The following ZNF91 variants were observed in gnomAD, a reference collection of about 807,000 sequenced individuals.
ZNF91 encodes zinc finger protein 91 (HPF7, HTF10).
In ZNF91, 7 loss-of-function variants were observed where a neutral mutation model predicts 12.6. The ratio of observed to expected loss-of-function variants is 0.55; its 90% CI spans 0.31 to 1.04. ZNF91 has a LOEUF of 1.04. ZNF91 is among the 50% of genes least tolerant of loss of function. ZNF91 has a pLI of 0.05. For missense variants in ZNF91, 1,217 were observed against 1,385.4 expected (o/e 0.88, Z 1.93); for synonymous variants, 453 against 462.6 (o/e 0.98, Z 0.27).
Position 23,395,341 on chromosome 19 carries a change from G to T in ZNF91, c.14C>A (p.Pro5His), listed in dbSNP as rs1254552468. 2 of 1,613,852 alleles carry T rather than the reference G, an allele frequency of 1.2e-6. No homozygotes were observed. The highest frequency in any genetic ancestry group is 2.7e-5 in the African/African-American group (2 of 74,912). MPGT[P>H]GSLEMGLLTF... The stretch of plus-strand genomic sequence containing the variant: ...CAGTCTCACCATTTCTAGGCTTCCA[G>T]GGGTTCCTGGCATCTTAGCTGTGGC... The change falls in exon 1 of 4, where the codon CCT (proline) becomes CAT (histidine). Residue 5 changes from proline to histidine, a missense_variant. Coordinates refer to ENST00000300619, the MANE Select transcript of ZNF91 (RefSeq NM_003430.4).
In ZNF91 at chr19:23,359,436, G is replaced by C; in HGVS notation, c.3543C>G (p.Ile1181Met). 7.3e-7 allele frequency: 1 copy of C among 1,371,100 alleles called. No homozygotes were observed. Among genetic ancestry groups the C allele is most frequent in the Admixed American group, 1.8e-5 (1 of 56,776 alleles). 84.9% of individuals were successfully genotyped at this position (1,371,100 alleles called of 1,614,324 possible). ...GAAGGGGTTTCACTGTGTTAGCCAG[G>C]ATGGTCTCCATCTCCTGACCTCGTG... ...GGSRGQEMET[I>M]LANTVKPLLY Residue 1181 changes from isoleucine to methionine, a missense_variant, in exon 4 of 4, where the codon ATC becomes ATG. Coordinates refer to ENST00000300619, the MANE Select transcript of ZNF91 (RefSeq NM_003430.4).
intron 3 of ZNF91, among the ~76,000 whole-genome samples, chr19:23,344,085 A>T (rs1968172933): frequency 6.6e-6 from 1 of 152,022 alleles, no homozygotes; most frequent in Non-Finnish European, 1.5e-5. Flanking sequence ...CAAAAATCAT[A>T]AATTATTATT....
chr19:23,375,326 A>AT (rs1969467696), intron 1 of ZNF91, among the ~76,000 whole-genome samples: 1 of 151,902 alleles, frequency 6.6e-6, no homozygotes, highest in Non-Finnish European at 1.5e-5. Flanking sequence ...CGCCCGGCTA[A>AT]TTTTTTGTAT....
intron 1 of ZNF91, among the ~76,000 whole-genome samples, chr19:23,375,441 G>A (rs570328926): frequency 1.3e-5 from 2 of 152,234 alleles, no homozygotes; most frequent in South Asian, 2.1e-4. Context: ...TTACAGGCAT[G>A]AGCCACCATG....
intron 3 of ZNF91, chr19:23,339,530 A>C (rs1968081511): frequency 6.6e-6 from 1 of 152,224 alleles, no homozygotes; most frequent in Non-Finnish European, 1.5e-5. Flanking sequence ...CGAACTACCT[A>C]CTTAGACCAC....
chr19:23,374,209 C>T (rs1969411149), intron 2 of ZNF91, among the ~76,000 whole-genome samples: 1 of 151,826 alleles, frequency 6.6e-6, no homozygotes, highest in African/African-American at 2.4e-5. Context: ...ACAAACAAAT[C>T]CCCAGGATTT....
chr19:23,369,271 T>C (rs988112710), intron 3 of ZNF91, among the ~76,000 whole-genome samples: 2 of 151,546 alleles, frequency 1.3e-5, no homozygotes, highest in African/African-American at 4.8e-5. Context: ...GATCGTGCCA[T>C]TGCACTCCAC....
intron 1 of ZNF91, chr19:23,309,155 G>A (rs1456556950): frequency 6.6e-6 from 1 of 151,578 alleles, no homozygotes; most frequent in Non-Finnish European, 1.5e-5. Context: ...GAGCACCTAG[G>A]TAATGTAACT....
intron 1 of ZNF91, chr19:23,327,729 G>T (rs1025223717): frequency 1.3e-5 from 2 of 152,090 alleles, no homozygotes; most frequent in African/African-American, 4.8e-5. Context: ...TTACTTTAGA[G>T]TTTTAATTGT....
chr19:23,363,775 CAG>C (rs1186166439), intron 3 of ZNF91, among the ~76,000 whole-genome samples: 1 of 151,774 alleles, frequency 6.6e-6, no homozygotes, highest in Non-Finnish European at 1.5e-5. Flanking sequence ...AAAATAGGAA[CAG>C]AGACAACTAT....
chr19:23,375,139 T>A (rs1325052766), intron 1 of ZNF91, among the ~76,000 whole-genome samples: 1 of 152,114 alleles, frequency 6.6e-6, no homozygotes, highest in Non-Finnish European at 1.5e-5. Context: ...AATAGACACG[T>A]TGAGTTAGAA....
At chr19:23,342,841 T>C (rs1968152402) in intron 3 of ZNF91, among the ~76,000 whole-genome samples, 3 of 151,884 alleles carry the variant, frequency 2.0e-5, no homozygotes, top group African/African-American at 7.3e-5. Context: ...ATTCAGACAT[T>C]CCCACTCCTC....
At chr19:23,382,007 G>A (rs1179306680) in intron 1 of ZNF91, among the ~76,000 whole-genome samples, 4 of 114,598 alleles carry the variant, frequency 3.5e-5, no homozygotes, top group Non-Finnish European at 7.1e-5. Context: ...AAGCAAAAAC[G>A]AAGCAATTAA....
intron 1 of ZNF91, among the ~76,000 whole-genome samples, chr19:23,323,698 A>G (rs1361749377): frequency 1.1e-5 from 1 of 91,324 alleles, no homozygotes; most frequent in African/African-American, 5.2e-5. Context: ...CTCCTTCTTT[A>G]TCCTCTCCTC....
intron 1 of ZNF91, chr19:23,324,253 T>G (rs1019978935): frequency 3.9e-5 from 6 of 151,970 alleles, no homozygotes; most frequent in Non-Finnish European, 7.3e-5. Context: ...CCTCTCCTTT[T>G]TTTCTCCACT....
chr19:23,368,568 A>ATC (rs1969124985), intron 3 of ZNF91, among the ~76,000 whole-genome samples: 2 of 123,006 alleles, frequency 1.6e-5, no homozygotes, highest in Non-Finnish European at 3.7e-5. Flanking sequence ...CTCTCTATAT[A>ATC]TATATGAAAC....
intron 1 of ZNF91, chr19:23,325,420 C>T (rs1967817599): frequency 6.6e-6 from 1 of 152,062 alleles, no homozygotes; most frequent in African/African-American, 2.4e-5. Context: ...CTGCAGAGTG[C>T]CCTGTGCATT....
chr19:23,363,975 CA>C (rs953074205), intron 3 of ZNF91, among the ~76,000 whole-genome samples: 1 of 151,862 alleles, frequency 6.6e-6, no homozygotes, highest in African/African-American at 2.4e-5. Flanking sequence ...AGCACAATTT[CA>C]AAAGTCACAG....
downstream of ZNF91, among the ~76,000 whole-genome samples, chr19:23,355,484 G>T (rs553723127): frequency 2.0e-5 from 3 of 152,050 alleles, no homozygotes. Flanking sequence ...CCTAAGATCA[G>T]AAACTATAAA....
Sources: allele counts gnomAD v4.1 joint callset (sites outside exome capture counted in the v4.1 genomes callset), GRCh38; gene constraint gnomAD v4.1.1; transcripts MANE v1.5; gene names NCBI Gene and HGNC (gene_info 2026-07-23, HGNC 2026-07-21).